Variants in SLC12A7 observed in about 807,000 individuals in gnomAD.
SLC12A7 encodes the protein K-Cl cotransporter 4.
A neutral mutation model predicts 120.6 loss-of-function variants in SLC12A7; 100 were observed. That is an observed-to-expected ratio of 0.83 (90% CI 0.71 to 0.98). SLC12A7 has a LOEUF of 0.98. SLC12A7 is among the 50% of genes least tolerant of loss of function. The pLI is 0.00. For missense variants in SLC12A7, 1,373 were observed against 1,548.1 expected, an observed-to-expected ratio of 0.89 and a Z score of 1.90; for synonymous variants, 760 against 678.0, an observed-to-expected ratio of 1.12 and a Z score of -1.88.
Position 1,100,648 on chromosome 5 carries a change from C to T in SLC12A7, c.125-6400G>A, listed in dbSNP as rs149292491. ...GCTGTTGACGCGTGTGCCCAGACGC[C>T]GCATGCAGGGAGGGCGCCTGTCCTC... On this transcript the variant is annotated intron_variant, in intron 1 of 23. Transcript: ENST00000264930. Among the ~76,000 whole-genome samples the T allele has an allele frequency of 2.0e-3, 311 of 152,328 alleles. 6 individuals are homozygous for T. Among genetic ancestry groups the T allele is most frequent in the Admixed American group, 0.018 (276 of 15,304 alleles).
the SLC12A7 span, among the ~76,000 whole-genome samples, chr5:1,122,202 T>C: frequency 6.6e-6 from 1 of 152,170 alleles, no homozygotes; most frequent in African/African-American, 2.4e-5. Context: ...CCGCCTGCCC[T>C]TGCGCATGGG....
the SLC12A7 span, among the ~76,000 whole-genome samples, chr5:1,147,816 C>T: frequency 0.014 from 2,104 of 151,976 alleles, 56 homozygotes; most frequent in African/African-American, 0.049. Flanking sequence ...AATCACAGCT[C>T]ATTGTGGCCT....
At chr5:1,077,511 T>C (rs1338764198) in intron 12 of SLC12A7, among the ~76,000 whole-genome samples, 5 of 152,130 alleles carry the variant, frequency 3.3e-5, no homozygotes, top group Non-Finnish European at 5.9e-5. Flanking sequence ...CAGAGAAAGA[T>C]GTGGCAGGCA....
the SLC12A7 span, among the ~76,000 whole-genome samples, chr5:1,127,939 C>T: frequency 6.6e-6 from 1 of 152,224 alleles, no homozygotes; most frequent in African/African-American, 2.4e-5. Flanking sequence ...GATGCCCACA[C>T]CCCAGGAAAG....
the SLC12A7 span, among the ~76,000 whole-genome samples, chr5:1,132,027 G>C: frequency 2.0e-5 from 3 of 152,188 alleles, no homozygotes; most frequent in African/African-American, 7.2e-5. Flanking sequence ...TCAGTCACAA[G>C]GTGAGACGGG....
the SLC12A7 span, among the ~76,000 whole-genome samples, chr5:1,117,276 C>T: frequency 7.2e-5 from 11 of 152,202 alleles, no homozygotes; most frequent in African/African-American, 1.9e-4. The surrounding 1 kb of genome is among the most constrained non-coding windows in gnomAD (Gnocchi z 4.5). Flanking sequence ...GATGGAGCAA[C>T]GAAGCAACTA....
intron 1 of SLC12A7, among the ~76,000 whole-genome samples, chr5:1,099,158 G>A (rs1377833327): frequency 5.3e-5 from 8 of 152,152 alleles, no homozygotes; most frequent in African/African-American, 2.4e-5. Flanking sequence ...AAGCGGGGGC[G>A]AGGGATGGCC....
intron 1 of SLC12A7, among the ~76,000 whole-genome samples, chr5:1,110,209 C>T (rs1234366402): frequency 6.6e-6 from 1 of 152,276 alleles, no homozygotes; most frequent in Non-Finnish European, 1.5e-5. Flanking sequence ...GCGCCAGGTG[C>T]AAGTTCTCTG....
chr5:1,137,647 A>G, the SLC12A7 span, among the ~76,000 whole-genome samples: 5 of 152,306 alleles, frequency 3.3e-5, no homozygotes, highest in East Asian at 9.7e-4. Flanking sequence ...CTTGGCAAAC[A>G]GGGCCCGCCC....
the SLC12A7 span, among the ~76,000 whole-genome samples, chr5:1,122,608 C>A: frequency 6.6e-6 from 1 of 152,248 alleles, no homozygotes; most frequent in African/African-American, 2.4e-5. Context: ...AAACTGAAGG[C>A]CTCTCCCCAG....
chr5:1,147,837 G>T, the SLC12A7 span, among the ~76,000 whole-genome samples: 1 of 151,966 alleles, frequency 6.6e-6, no homozygotes, highest in African/African-American at 2.4e-5. Flanking sequence ...TGACCTCCCG[G>T]ACTGGAGCCT....
chr5:1,057,996 G>A (rs979860178), intron 21 of SLC12A7, among the ~76,000 whole-genome samples: 4 of 126,300 alleles, frequency 3.2e-5, no homozygotes, highest in African/African-American at 4.9e-5. Context: ...CCACCTGCTC[G>A]CCCACACGAC....
At chr5:1,092,832 C>T (rs957882854) in intron 3 of SLC12A7, among the ~76,000 whole-genome samples, 18 of 152,214 alleles carry the variant, frequency 1.2e-4, no homozygotes, top group Admixed American at 9.8e-4. Context: ...ACCCGCCGCA[C>T]CCCCACAGCG....
chr5:1,077,787 C>T (rs1277901645), intron 12 of SLC12A7, 46 bp downstream of exon 12: 7 of 1,506,622 alleles, frequency 4.6e-6, no homozygotes, highest in Admixed American at 2.2e-5. Flanking sequence ...GGAGAGCCCC[C>T]GACCCTGACC....
intron 2 of SLC12A7, 63 bp from the exon 3 acceptor site, chr5:1,093,718 C>A: frequency 6.3e-7 from 1 of 1,599,798 alleles, no homozygotes. Context: ...CGACCTCCCT[C>A]CCCGTGTTCA....
At chr5:1,103,796 G>A (rs1261767181) in intron 1 of SLC12A7, among the ~76,000 whole-genome samples, 1 of 152,256 alleles carries the variant, frequency 6.6e-6, no homozygotes, top group African/African-American at 2.4e-5. Flanking sequence ...TAAAGGACAC[G>A]CCTGCTCGCG....
chr5:1,065,246 G>A lies in SLC12A7; in HGVS notation c.2437+37C>T, dbSNP rs367567505. The A allele has an allele frequency of 3.1e-5, 45 of 1,465,290 alleles. No homozygotes were observed. In the African/African-American group the frequency reaches 5.0e-4, roughly 16 times the overall value. The allele number at this position is 1,465,290 out of a possible 1,614,324, so 90.8% of individuals were successfully genotyped here. A position where few individuals can be genotyped will look rare whatever the true frequency, so the allele number is the denominator to read the frequency against. On this transcript the variant is annotated intron_variant, in intron 18 of 23. Coordinates refer to ENST00000264930, the MANE Select transcript of SLC12A7 (RefSeq NM_006598.3). The stretch of plus-strand genomic sequence containing the variant: ...GACACTGAGAGGACACAGAGGGGAC[G>A]GTGAGGGGATGCCGAAGGGCCGCCA...
intron 1 of SLC12A7, among the ~76,000 whole-genome samples, chr5:1,103,387 CT>C (rs1742196990): frequency 6.6e-6 from 1 of 152,286 alleles, no homozygotes; most frequent in South Asian, 2.1e-4. Context: ...TCCTGGCAAG[CT>C]ATGGCCAGAC....
At position 1,073,816 on chromosome 5, in the gene SLC12A7, G is replaced by C. The variant is rs758518587; in HGVS notation, c.2073-15C>G. 1.4e-6 allele frequency: 2 copies of C among 1,398,386 alleles called. No homozygotes were observed. Among genetic ancestry groups the C allele is most frequent in the Non-Finnish European group, 1.9e-6 (2 of 1,067,800 alleles). The allele number at this position is 1,398,386 out of a possible 1,614,324, so 86.6% of individuals were successfully genotyped here. A position where few individuals can be genotyped will look rare whatever the true frequency, so the allele number is the denominator to read the frequency against. ...GCACCTGGGGCCTGCAGCCAGGGTG[G>C]GGCGGCTGTTACCACGGCAACGCTT... On this transcript the variant is annotated splice_polypyrimidine_tract_variant and intron_variant, in intron 16 of 23. Transcript: ENST00000264930.
Sources: gnomAD v4.1 joint callset for allele counts (sites outside exome capture counted in the v4.1 genomes callset) on GRCh38, gnomAD v4.1.1 for gene constraint, Gnocchi (gnomAD v3.1) non-coding constraint, MANE v1.5 for transcripts, NCBI Gene and HGNC (gene_info 2026-07-23, HGNC 2026-07-21) for gene names.